The following EPHA2 variants were observed in gnomAD, a reference collection of about 807,000 sequenced individuals.
The protein encoded by EPHA2 is EPH receptor A2, also known as ephrin type-A receptor 2.
A neutral mutation model predicts 104.9 loss-of-function variants in EPHA2; 54 were observed. That is an observed-to-expected ratio of 0.51 (90% CI 0.41 to 0.65). The LOEUF is 0.65. Among genes scored for constraint, EPHA2 ranks in the 30% least tolerant of loss-of-function variants. The pLI is 0.00. For missense variants in EPHA2, 1,117 were observed against 1,369.5 expected (o/e 0.82, Z 2.91); for synonymous variants, 560 against 559.1 (o/e 1.00, Z -0.02).
chr1:16,132,961 A>G, intron 11 of EPHA2: 1 of 509,874 alleles, frequency 2.0e-6, no homozygotes, highest in Non-Finnish European at 3.5e-6. Flanking sequence ...AGAGGTGGGC[A>G]CGGGTGTAAG....
At chr1:16,144,951 G>A (rs1054901596) in intron 3 of EPHA2, among the ~76,000 whole-genome samples, 9 of 152,220 alleles carry the variant, frequency 5.9e-5, no homozygotes, top group Non-Finnish European at 1.0e-4. Flanking sequence ...CCTGGAATGC[G>A]GTGTCCCTAT....
chr1:16,143,191 A>ATGGATGG (rs1557512021), intron 3 of EPHA2, among the ~76,000 whole-genome samples: 2,128 of 28,848 alleles, frequency 0.074, 20 homozygotes, highest in Middle Eastern at 0.15. Flanking sequence ...TGGATGGATG[A>ATGGATGG]ATGGATGGAT....
Position 16,135,148 on chromosome 1 carries a change from G to A in EPHA2, c.1470C>T (p.Phe490=), listed in dbSNP as rs1341251746. ...GGGCCAGGTCGTCCAGGGTCACGGA[G>A]AAACCCTCGGTGCGGCGCACATTGT... is the stretch of plus-strand genomic sequence containing the variant. ...NSYNVRRTEG[F]SVTLDDLAPD... The change falls in exon 7 of 17, where the codon TTC becomes TTT. Residue 490 remains phenylalanine, a synonymous_variant. Transcript: ENST00000358432. The surrounding 1 kb of genome is among the most constrained non-coding windows in gnomAD (Gnocchi z 4.3). 5 of 1,613,932 alleles carry A rather than the reference G, an allele frequency of 3.1e-6. No individual in the cohort carries two copies. Among genetic ancestry groups the A allele is most frequent in the Non-Finnish European group, 4.2e-6 (5 of 1,180,032 alleles).
intron 16 of EPHA2, among the ~76,000 whole-genome samples, chr1:16,127,974 G>A (rs1367864786): frequency 6.6e-6 from 1 of 152,328 alleles, no homozygotes; most frequent in East Asian, 1.9e-4. Context: ...GTCCCCAGAA[G>A]AGAGGCTGTG....
intron 5 of EPHA2, 128 bp downstream of exon 5, chr1:16,137,725 A>T: frequency 8.8e-7 from 1 of 1,141,922 alleles, no homozygotes; most frequent in Non-Finnish European, 1.3e-6. Context: ...AGCTTGCTCT[A>T]GACACTGTGC....
Position 16,148,791 on chromosome 1 carries a change from C to A in EPHA2, c.410G>T (p.Arg137Leu), listed in dbSNP as rs775739772. The change falls in exon 3 of 17, where the codon CGC (arginine) becomes CTC (leucine). Residue 137 changes from arginine (R) to leucine (L), a missense_variant. By Grantham distance (102) the Arg-to-Leu change is moderately radical. This residue lies in a region of EPHA2 where 664 missense variants were observed against 784.8 expected (regional missense o/e 0.85). Coordinates refer to ENST00000358432, the MANE Select transcript of EPHA2 (RefSeq NM_004431.5). The surrounding 1 kb of genome is among the most constrained non-coding windows in gnomAD (Gnocchi z 4.9). Reference protein sequence around the residue: ...DLDYGTNFQKRLFTKIDTIAP... With the variant: ...DLDYGTNFQKLLFTKIDTIAP... ...AATGGTGTCAATCTTGGTGAACAGG[C>A]GCTTCTGGAAGTTGGTGCCGTAGTC... 1 of 1,614,106 alleles carries A rather than the reference C, an allele frequency of 6.2e-7. No homozygotes were observed. Among genetic ancestry groups the A allele is most frequent in the African/African-American group, 1.3e-5 (1 of 75,056 alleles).
Position 16,130,159 on chromosome 1 carries a change from C to T in EPHA2, c.2669+67G>A. ...CAGCTTCACCTGGGTGGCCACTCTA[C>T]CGAAGTGGTTCAAGAGTCTGCAGAA... On this transcript the variant is annotated intron_variant, in intron 15 of 16. Coordinates refer to ENST00000358432, the MANE Select transcript of EPHA2 (RefSeq NM_004431.5). The surrounding 1 kb of genome is among the most constrained non-coding windows in gnomAD (Gnocchi z 4.5). 1.2e-6 allele frequency: 2 copies of T among 1,607,002 alleles called. No individual in the cohort carries two copies. The highest frequency in any genetic ancestry group is 8.5e-7 in the Non-Finnish European group (1 of 1,174,234).
Position 16,138,416 on chromosome 1 carries a change from A to T in EPHA2, c.838T>A (p.Phe280Ile). 2 of 1,613,722 alleles carry T rather than the reference A, an allele frequency of 1.2e-6. No individual in the cohort carries two copies. The highest frequency in any genetic ancestry group is 1.7e-6 in the Non-Finnish European group (2 of 1,180,018). ...CTCTCAGATGCCTCAAACTTAAAAA[A>T]TCCAGGCGAGCAGGCTGGTGGACAC... Reference protein sequence around the residue: ...EDACQACSPGFFKFEASESPC... With the variant: ...EDACQACSPGIFKFEASESPC... Residue 280 changes from phenylalanine to isoleucine, a missense_variant, in exon 4 of 17, where the codon TTT becomes ATT. Phe to Ile is a conservative substitution (Grantham distance 21). Transcript: ENST00000358432.
In EPHA2 at chr1:16,138,387, G is replaced by A; in HGVS notation, c.867C>T (p.Pro289=). ...GFFKFEASES[P]CLECPEHTLP... is the part of the protein sequence containing the mutation. The stretch of plus-strand genomic sequence containing the variant: ...GCGTGTGCTCAGGGCACTCCAAGCA[G>A]GGGCTCTCAGATGCCTCAAACTTAA... The change falls in exon 4 of 17, where the codon CCC becomes CCT. Residue 289 remains proline (P), a synonymous_variant. Transcript: ENST00000358432. 6.2e-7 allele frequency: 1 copy of A among 1,613,888 alleles called. No homozygotes were observed. The highest frequency in any genetic ancestry group is 8.5e-7 in the Non-Finnish European group (1 of 1,180,016).
rs2024567452 is a variant in EPHA2, at chr1:16,131,451, A to G, written c.2475+270T>C. On this transcript the variant is annotated intron_variant, in intron 14 of 16. Coordinates refer to ENST00000358432, the MANE Select transcript of EPHA2 (RefSeq NM_004431.5). This position sits in a 1 kb window ranked among gnomAD's most constrained non-coding sequence, Gnocchi z 5.2. ...AAAAATTAGCTGGGTGTGGTGGCGC[A>G]TGCCTGTAATCCCAGCTACTCGGGA... Among the ~76,000 whole-genome samples the G allele has an allele frequency of 6.6e-6, 1 of 152,094 alleles. No individual in the cohort carries two copies. The highest frequency in any genetic ancestry group is 2.4e-5 in the African/African-American group (1 of 41,422).
chr1:16,147,695 G>A (rs1044417850), intron 3 of EPHA2, among the ~76,000 whole-genome samples: 4 of 150,522 alleles, frequency 2.7e-5, no homozygotes, highest in African/African-American at 4.9e-5. Context: ...GCCACCCTAC[G>A]AGATAGACGC....
At chr1:16,147,466 G>A (rs2024955868) in intron 3 of EPHA2, among the ~76,000 whole-genome samples, 1 of 152,010 alleles carries the variant, frequency 6.6e-6, no homozygotes. Context: ...GGAGTTTGAG[G>A]CCCAGGGAGT....
At chr1:16,140,209 G>A (rs140171302) in intron 3 of EPHA2, among the ~76,000 whole-genome samples, 8 of 152,262 alleles carry the variant, frequency 5.3e-5, no homozygotes, top group Non-Finnish European at 1.2e-4. Context: ...CCCAACCCTG[G>A]CCCAGGGACC....
chr1:16,132,540 G>A (rs2024594576), intron 11 of EPHA2, 101 bp from the exon 12 acceptor site: 1 of 1,350,934 alleles, frequency 7.4e-7, no homozygotes, highest in Non-Finnish European at 1.1e-6. Context: ...AGGAGAGGTG[G>A]GCACAGGTGT....
Position 16,134,356 on chromosome 1 carries a change from T to C in EPHA2, c.1682+112A>G, listed in dbSNP as rs569504460. On this transcript the variant is annotated intron_variant, in intron 8 of 16. Coordinates refer to ENST00000358432, the MANE Select transcript of EPHA2 (RefSeq NM_004431.5). The surrounding 1 kb of genome is among the most constrained non-coding windows in gnomAD (Gnocchi z 4.5). Reference sequence around the variant, plus strand: ...TCCTCGCACCATCCGGAGGCAGGGATTAGACTCGACTAGCATCCTGTGGGC... The same window carrying C: ...TCCTCGCACCATCCGGAGGCAGGGACTAGACTCGACTAGCATCCTGTGGGC... 2 of 1,174,976 alleles carry C rather than the reference T, an allele frequency of 1.7e-6. 1 individual carries two copies. Among genetic ancestry groups the C allele is most frequent in the African/African-American group, 3.0e-5 (2 of 65,988 alleles). The allele number at this position is 1,174,976 out of a possible 1,614,324, so 72.8% of individuals were successfully genotyped here.
chr1:16,151,438 C>T lies in EPHA2; in HGVS notation c.86-475G>A, dbSNP rs190178976. On this transcript the variant is annotated intron_variant, in intron 1 of 16. Coordinates refer to ENST00000358432, the MANE Select transcript of EPHA2 (RefSeq NM_004431.5). ...TGGTGTCTGCTTCTGCCACATTCCC[C>T]CCAGCAGGAAACACACCAACCCCAC... 1.4e-4 allele frequency among the ~76,000 whole-genome samples: 21 copies of T among 152,342 alleles called. No homozygotes were observed. The East Asian group carries it at 3.9e-3, about 28-fold the overall frequency.
rs1370281872 is a variant in EPHA2 at position 16,136,652 on chromosome 1, AAAG to A, written c.1313-885_1313-883del. ...AAGAAGAAGAAGAAGACAGAAGAAGAAAGAAGAAGAAAAGAAGAAAAGAAGAAG... is the reference window on the plus strand; with the variant it reads ...AAGAAGAAGAAGAAGACAGAAGAAGAAAGAAGAAAAGAAGAAAAGAAGAAG... On this transcript the variant is annotated intron_variant, in intron 5 of 16. Transcript: ENST00000358432. 1.0e-3 allele frequency among the ~76,000 whole-genome samples: 138 copies of A among 137,718 alleles called. 1 individual carries two copies. The highest frequency in any genetic ancestry group is 4.2e-3 in the African/African-American group (129 of 30,684). 90.3% of individuals were successfully genotyped at this position (137,718 alleles called of 152,430 possible).
chr1:16,140,649 C>T (rs892575191), intron 3 of EPHA2, among the ~76,000 whole-genome samples: 1 of 152,258 alleles, frequency 6.6e-6, no homozygotes, highest in Non-Finnish European at 1.5e-5. Flanking sequence ...GATGGAGTCT[C>T]GCTCTGTTGC....
chr1:16,149,568 G>A (rs556916079), intron 2 of EPHA2, among the ~76,000 whole-genome samples: 71 of 152,342 alleles, frequency 4.7e-4, no homozygotes, highest in African/African-American at 1.5e-3. Flanking sequence ...GATGCTCTCC[G>A]TCATTTAGAA....
Sources: gnomAD v4.1 joint callset for allele counts (sites outside exome capture counted in the v4.1 genomes callset) on GRCh38, gnomAD v4.1.1 for gene constraint, gnomAD v4.1.1 regional missense constraint, Gnocchi (gnomAD v3.1) non-coding constraint, MANE v1.5 for transcripts, NCBI Gene and HGNC (gene_info 2026-07-23, HGNC 2026-07-21) for gene names.